NOL9: variants seen among roughly 807,000 people sequenced by gnomAD.
NOL9 encodes the protein polynucleotide 5'-hydroxyl-kinase NOL9.
NOL9 carries 28 observed loss-of-function variants against 67.9 expected under a neutral mutation model. The observed-to-expected ratio is 0.41, with a 90% CI of 0.31 to 0.57. NOL9 has a LOEUF of 0.57. Ranked by LOEUF, NOL9 falls within the 20% of genes least tolerant of loss-of-function variation. NOL9 has a pLI of 0.25. For missense variants in NOL9, 777 were observed against 897.0 expected (o/e 0.87, Z 1.71); for synonymous variants, 356 against 352.2 (o/e 1.01, Z -0.12).
chr1:6,548,233 CGCCT>C (rs141289402), intron 3 of NOL9: 17,837 of 153,200 alleles, frequency 0.12, 1,090 homozygotes, highest in South Asian at 0.16. Context: ...CTGCAACCTG[CGCCT>C]CCCAGGTTCC....
At chr1:6,535,533 C>G (rs776381561) in intron 6 of NOL9, among the ~76,000 whole-genome samples, 2 of 152,142 alleles carry the variant, frequency 1.3e-5, no homozygotes, top group Non-Finnish European at 2.9e-5. Flanking sequence ...TAGGAGGTGG[C>G]CGGCAGGGCA....
intron 6 of NOL9, among the ~76,000 whole-genome samples, chr1:6,534,089 G>A (rs1639095448): frequency 6.6e-6 from 1 of 151,966 alleles, no homozygotes. Flanking sequence ...GTTTCTCCAT[G>A]TTGGTCAGGC....
intron 6 of NOL9, among the ~76,000 whole-genome samples, chr1:6,536,889 C>A (rs1211885901): frequency 6.6e-6 from 1 of 151,970 alleles, no homozygotes; most frequent in Non-Finnish European, 1.5e-5. Context: ...GGTGGCTCTG[C>A]CATCTCCGTG....
In NOL9 at chr1:6,524,182, T is replaced by C. The variant is rs893169194; in HGVS notation, c.*1672A>G. ...GGTTTCCTGTGCTTATTTTAAGTCCTTTGCTGTTGGGTCTAAGAGGTGCTG... is the reference window on the plus strand; with the variant it reads ...GGTTTCCTGTGCTTATTTTAAGTCCCTTGCTGTTGGGTCTAAGAGGTGCTG... On this transcript the variant is annotated 3_prime_UTR_variant, in exon 12 of 12. Coordinates refer to ENST00000377705, the MANE Select transcript of NOL9 (RefSeq NM_024654.5). 2 of 152,198 alleles carry C rather than the reference T, an allele frequency of 1.3e-5. No homozygotes were observed. Among genetic ancestry groups the C allele is most frequent in the African/African-American group, 2.4e-5 (1 of 41,444 alleles). 9.4% of individuals were successfully genotyped at this position (152,198 alleles called of 1,614,324 possible). A position where few individuals can be genotyped will look rare whatever the true frequency, so the allele number is the denominator to read the frequency against.
In NOL9 at chr1:6,544,835, A is replaced by G. The variant is rs1448886964; in HGVS notation, c.968T>C (p.Leu323Ser). Reference protein sequence around the residue: ...STFNRYLINHLLNSLPCVDYL... With the variant: ...STFNRYLINHSLNSLPCVDYL... ...AGAAAAGCACTCTTACCTATTTAAC[A>G]AATGGTTAATCAGGTATCTATTAAA... Residue 323 changes from leucine to serine, a missense_variant, in exon 5 of 12, where the codon TTG becomes TCG. By Grantham distance (145) the Leu-to-Ser change is moderately radical. This residue lies in a region of NOL9 where 413 missense variants were observed against 552.6 expected (regional missense o/e 0.75). Transcript: ENST00000377705. 1.2e-6 allele frequency: 2 copies of G among 1,614,072 alleles called. No individual in the cohort carries two copies. Among genetic ancestry groups the G allele is most frequent in the Admixed American group, 1.7e-5 (1 of 60,018 alleles).
intron 10 of NOL9, among the ~76,000 whole-genome samples, chr1:6,527,040 G>A (rs1309214616): frequency 6.6e-6 from 1 of 152,100 alleles, no homozygotes; most frequent in Non-Finnish European, 1.5e-5. Flanking sequence ...GAGATCAGGA[G>A]TTCGAGACCA....
chr1:6,545,273 G>T, intron 3 of NOL9, 93 bp from the exon 4 acceptor site: 2 of 1,302,652 alleles, frequency 1.5e-6, no homozygotes, highest in Non-Finnish European at 2.1e-6. Context: ...GTGAGCCAGA[G>T]AAGATAAATT....
intron 9 of NOL9, among the ~76,000 whole-genome samples, chr1:6,530,238 A>AT (rs1221765316): frequency 6.6e-6 from 1 of 152,178 alleles, no homozygotes; most frequent in African/African-American, 2.4e-5. Flanking sequence ...GGATCATCTG[A>AT]GGTCAGGAGT....
At chr1:6,538,396 G>A (rs1380192267) in intron 6 of NOL9, among the ~76,000 whole-genome samples, 17 of 152,202 alleles carry the variant, frequency 1.1e-4, no homozygotes, top group Admixed American at 1.1e-3. Flanking sequence ...GCTGGGACCG[G>A]ATGCCGTGGC....
In NOL9 at chr1:6,550,453, T is replaced by C. The variant is rs770911195; in HGVS notation, c.559A>G (p.Ser187Gly). Residue 187 changes from serine to glycine, a missense_variant, in exon 2 of 12, where the codon AGC becomes GGC. Coordinates refer to ENST00000377705, the MANE Select transcript of NOL9 (RefSeq NM_024654.5). The part of the protein sequence containing the change: ...HALHYSQPEK[S>G]KKELKREARN... ...GCTTCCCTTTTCAGTTCCTTCTTGC[T>C]TTTCTCAGGCTGTGAGTAGTGAAGT... 2 of 1,614,156 alleles carry C rather than the reference T, an allele frequency of 1.2e-6. No individual in the cohort carries two copies. The highest frequency in any genetic ancestry group is 1.7e-6 in the Non-Finnish European group (2 of 1,180,026).
rs1249705224 is a variant in NOL9 at position 6,522,816 on chromosome 1, G to C, written c.*3038C>G. 7.1e-6 allele frequency: 1 copy of C among 140,598 alleles called. No individual in the cohort carries two copies. Among genetic ancestry groups the C allele is most frequent in the Non-Finnish European group, 1.5e-5 (1 of 66,742 alleles). The allele number at this position is 140,598 out of a possible 1,614,324, so 8.7% of individuals were successfully genotyped here. A position where few individuals can be genotyped will look rare whatever the true frequency, so the allele number is the denominator to read the frequency against. On this transcript the variant is annotated 3_prime_UTR_variant, in exon 12 of 12. Coordinates refer to ENST00000377705, the MANE Select transcript of NOL9 (RefSeq NM_024654.5). ...GGAGAATCGCTTAAACCTGGGAGGC[G>C]GAAGTTGCAGTGAGCCGAGATCACT...
intron 6 of NOL9, among the ~76,000 whole-genome samples, chr1:6,533,840 C>T (rs1408912408): frequency 2.6e-5 from 4 of 151,854 alleles, no homozygotes; most frequent in Non-Finnish European, 4.4e-5. Flanking sequence ...AGCAATACAG[C>T]AATGACTCTG....
intron 11 of NOL9, among the ~76,000 whole-genome samples, chr1:6,526,262 C>A (rs904760200): frequency 6.6e-6 from 1 of 152,140 alleles, no homozygotes; most frequent in East Asian, 1.9e-4. Context: ...AGTGTGCGTC[C>A]CTTTCAAATG....
chr1:6,528,678 T>C (rs1377201704), intron 10 of NOL9, among the ~76,000 whole-genome samples: 1 of 152,134 alleles, frequency 6.6e-6, no homozygotes, highest in Non-Finnish European at 1.5e-5. Flanking sequence ...TGGAGGACAC[T>C]GCAAAAAGGC....
intron 9 of NOL9, among the ~76,000 whole-genome samples, chr1:6,530,135 A>C (rs1638988715): frequency 6.6e-6 from 1 of 152,106 alleles, no homozygotes. Flanking sequence ...CCAAAAAAAA[A>C]GAAACAAAAA....
Position 6,524,773 on chromosome 1 carries a change from C to G in NOL9, c.*1081G>C, listed in dbSNP as rs1638845624. The G allele has an allele frequency of 6.6e-6, 1 of 151,036 alleles. No individual in the cohort carries two copies. Among genetic ancestry groups the G allele is most frequent in the African/African-American group, 2.4e-5 (1 of 40,852 alleles). 9.4% of individuals were successfully genotyped at this position (151,036 alleles called of 1,614,324 possible). On this transcript the variant is annotated 3_prime_UTR_variant, in exon 12 of 12. Transcript: ENST00000377705. ...TTTTTTTTTGAGATGGAGTCTTGCT[C>G]TTGTTGCCCAGGCTGGAGTGCAGTG...
chr1:6,529,159 C>T lies in NOL9; in HGVS notation c.1660G>A (p.Ala554Thr), dbSNP rs1213063273. The change falls in exon 10 of 12, where the codon GCA becomes ACA. Residue 554 changes from alanine (A) to threonine (T), a missense_variant. Physicochemically the swap from Ala to Thr is moderately conservative, Grantham distance 58. Transcript: ENST00000377705. ...GAGTGGGTAATCCGGAGTGCGACTG[C>T]ATTGAAAGGGACCTGGAAAATGAAT... The part of the protein sequence containing the change: ...SLTPYQVPFN[A>T]VALRITHSDV... 6.2e-7 allele frequency: 1 copy of T among 1,612,740 alleles called. No individual in the cohort carries two copies. Among genetic ancestry groups the T allele is most frequent in the Admixed American group, 1.7e-5 (1 of 59,902 alleles).
intron 6 of NOL9, among the ~76,000 whole-genome samples, chr1:6,541,588 T>A (rs1377209723): frequency 2.0e-5 from 3 of 152,156 alleles, no homozygotes; most frequent in Non-Finnish European, 4.4e-5. Context: ...ACAAAATAAT[T>A]TTTGCCACCA....
At chr1:6,535,529 G>A (rs1461973673) in intron 6 of NOL9, among the ~76,000 whole-genome samples, 1 of 152,222 alleles carries the variant, frequency 6.6e-6, no homozygotes, top group Non-Finnish European at 1.5e-5. Flanking sequence ...GTCCTAGGAG[G>A]TGGCCGGCAG....
Sources: gnomAD v4.1 joint callset for allele counts (sites outside exome capture counted in the v4.1 genomes callset) on GRCh38, gnomAD v4.1.1 for gene constraint, gnomAD v4.1.1 regional missense constraint, MANE v1.5 for transcripts, NCBI Gene and HGNC (gene_info 2026-07-23, HGNC 2026-07-21) for gene names.